The following LINGO2 variants were observed in gnomAD, a reference collection of about 807,000 sequenced individuals.
The protein encoded by LINGO2 is leucine-rich repeat and immunoglobulin-like domain-containing nogo receptor-interacting protein 2.
Under a neutral mutation model 30.6 loss-of-function variants are expected in LINGO2, and 14 were observed. The observed-to-expected ratio is 0.46, with a 90% CI of 0.30 to 0.72. LINGO2 has a LOEUF of 0.72. Among genes scored for constraint, LINGO2 ranks in the 30% least tolerant of loss-of-function variants. The pLI, the probability that LINGO2 is intolerant of heterozygous loss-of-function variation, is 0.07. For missense variants in LINGO2, 729 were observed against 751.7 expected, an observed-to-expected ratio of 0.97 and a Z score of 0.35; for synonymous variants, 317 against 288.5, an observed-to-expected ratio of 1.10 and a Z score of -1.00.
At chr9:29,043,379 A>T in the LINGO2 span, among the ~76,000 whole-genome samples, 1 of 151,992 alleles carries the variant, frequency 6.6e-6, no homozygotes, top group Non-Finnish European at 1.5e-5. Flanking sequence ...CTTGAAGATG[A>T]TAAGGTCTAT....
intron 5 of LINGO2, among the ~76,000 whole-genome samples, chr9:27,953,035 C>T (rs992352632): frequency 2.6e-5 from 4 of 151,734 alleles, no homozygotes; most frequent in Non-Finnish European, 5.9e-5. Flanking sequence ...TTAAAAATAG[C>T]CAATAAGTAT....
At chr9:28,239,956 A>G (rs868667183) in intron 4 of LINGO2, among the ~76,000 whole-genome samples, 9 of 152,326 alleles carry the variant, frequency 5.9e-5, no homozygotes, top group Admixed American at 2.6e-4. Context: ...CAAAATCGTC[A>G]TATAAAAATT....
chr9:28,080,437 T>C (rs1393343818), intron 4 of LINGO2, among the ~76,000 whole-genome samples: 2 of 152,198 alleles, frequency 1.3e-5, no homozygotes, highest in Non-Finnish European at 2.9e-5. Context: ...ATTTTTCTGG[T>C]CTCTTTGGTT....
chr9:28,117,770 C>CGCG (rs1826970216), intron 4 of LINGO2, among the ~76,000 whole-genome samples: 1 of 149,042 alleles, frequency 6.7e-6, no homozygotes. Context: ...TGCTTCGGCT[C>CGCG]GCGGACGGTG....
the LINGO2 span, among the ~76,000 whole-genome samples, chr9:28,707,795 TA>T: frequency 6.6e-6 from 1 of 152,004 alleles, no homozygotes; most frequent in Admixed American, 6.6e-5. Context: ...AGTAGTGTAA[TA>T]AAAACCATCT....
chr9:28,054,506 A>G (rs531966113), intron 4 of LINGO2, among the ~76,000 whole-genome samples: 2 of 152,294 alleles, frequency 1.3e-5, no homozygotes, highest in South Asian at 2.1e-4. Flanking sequence ...TATTAGGTAT[A>G]TTAAGAAATT....
intron 4 of LINGO2, among the ~76,000 whole-genome samples, chr9:28,204,460 T>C (rs1284938051): frequency 6.6e-6 from 1 of 152,216 alleles, no homozygotes; most frequent in Non-Finnish European, 1.5e-5. Flanking sequence ...TTGTATTATC[T>C]TTTCCATTAT....
chr9:28,093,652 T>C (rs1587838099), intron 4 of LINGO2, among the ~76,000 whole-genome samples: 1 of 152,158 alleles, frequency 6.6e-6, no homozygotes, highest in Non-Finnish European at 1.5e-5. Flanking sequence ...GAAAATGGCT[T>C]TTTAAAAGCC....
intron 1 of LINGO2, among the ~76,000 whole-genome samples, chr9:28,549,244 T>A (rs964826854): frequency 3.3e-5 from 5 of 152,108 alleles, no homozygotes; most frequent in Admixed American, 1.3e-4. Context: ...TCAGTATCCA[T>A]CCCCAACTGG....
At chr9:28,803,320 T>G in the LINGO2 span, among the ~76,000 whole-genome samples, 1 of 151,180 alleles carries the variant, frequency 6.6e-6, no homozygotes, top group Admixed American at 6.6e-5. Flanking sequence ...TGTGTGAGTG[T>G]GTTTGTGTGT....
At chr9:28,655,040 C>T (rs1190477620) in intron 1 of LINGO2, among the ~76,000 whole-genome samples, 1 of 152,012 alleles carries the variant, frequency 6.6e-6, no homozygotes, top group Non-Finnish European at 1.5e-5. Flanking sequence ...CCATATGGTG[C>T]TTAAGATAAC....
At chr9:28,894,023 T>C in the LINGO2 span, among the ~76,000 whole-genome samples, 2 of 152,002 alleles carry the variant, frequency 1.3e-5, no homozygotes, top group African/African-American at 4.8e-5. Context: ...GTCCTTGCGA[T>C]AGTTTACTGA....
chr9:28,883,851 T>C, the LINGO2 span, among the ~76,000 whole-genome samples: 1 of 150,702 alleles, frequency 6.6e-6, no homozygotes, highest in Non-Finnish European at 1.5e-5. Flanking sequence ...CTAATTTTTA[T>C]ATTTTTGGTA....
the LINGO2 span, among the ~76,000 whole-genome samples, chr9:28,905,078 G>GA: frequency 1.3e-5 from 2 of 151,644 alleles, no homozygotes; most frequent in African/African-American, 4.8e-5. Flanking sequence ...TACACAAGCA[G>GA]AAAAAATGAA....
At chr9:28,260,507 C>A (rs1004883927) in intron 4 of LINGO2, among the ~76,000 whole-genome samples, 1 of 151,828 alleles carries the variant, frequency 6.6e-6, no homozygotes, top group African/African-American at 2.4e-5. Context: ...AATATTCAGT[C>A]TTGTGAGACA....
chr9:29,110,700 T>A, the LINGO2 span, among the ~76,000 whole-genome samples: 1 of 150,056 alleles, frequency 6.7e-6, no homozygotes, highest in Non-Finnish European at 1.5e-5. Flanking sequence ...TGTTTTTTTT[T>A]CTTTTGATGA....
chr9:28,553,043 C>A (rs547631240), intron 1 of LINGO2, among the ~76,000 whole-genome samples: 1 of 152,058 alleles, frequency 6.6e-6, no homozygotes, highest in Non-Finnish European at 1.5e-5. Context: ...AACATGCTTT[C>A]TTCAAATATC....
At chr9:28,238,990 T>G in intron 4 of LINGO2, among the ~76,000 whole-genome samples, 1 of 151,826 alleles carries the variant, frequency 6.6e-6, no homozygotes, top group Admixed American at 6.6e-5. Context: ...ATTCAAAGGA[T>G]CATTAGTGGC....
the LINGO2 span, among the ~76,000 whole-genome samples, chr9:29,048,110 C>G: frequency 1.3e-5 from 2 of 151,306 alleles, no homozygotes; most frequent in Non-Finnish European, 2.9e-5. Flanking sequence ...GACTCTGTCT[C>G]AAAAATAATA....
Sources: allele counts gnomAD v4.1 joint callset (sites outside exome capture counted in the v4.1 genomes callset), GRCh38; gene constraint gnomAD v4.1.1; transcripts MANE v1.5; gene names NCBI Gene and HGNC (gene_info 2026-07-23, HGNC 2026-07-21).